The following OR4K2 variants were observed in gnomAD, a reference collection of about 807,000 sequenced individuals.
OR4K2 encodes olfactory receptor 4K2.
OR4K2 carries 8 observed loss-of-function variants against 10.5 expected under a neutral mutation model. The observed-to-expected ratio is 0.76, with a 90% CI of 0.45 to 1.37. OR4K2 has a LOEUF of 1.37. OR4K2 is among the 40% of genes most tolerant of loss of function. OR4K2 has a pLI of 0.00. For synonymous variants in OR4K2, 178 were observed against 133.6 expected (o/e 1.33, Z -2.29); for missense variants, 547 against 379.5 (o/e 1.44, Z -3.67).
Position 19,877,218 on chromosome 14 carries a change from G to C in OR4K2, c.*6G>C. 1 of 1,537,114 alleles carries C rather than the reference G, an allele frequency of 6.5e-7. No homozygotes were observed. On this transcript the variant is annotated 3_prime_UTR_variant, in exon 2 of 2. Coordinates refer to ENST00000641885, the MANE Select transcript of OR4K2 (RefSeq NM_001005501.2). ...ATAAGGCAATGCCTTCATAGTTTTT[G>C]TGACACAGAACATTAGACACAATGC... is the stretch of plus-strand genomic sequence containing the variant.
chr14:19,883,880 T>C lies in OR4K2; in HGVS notation c.*6668T>C, dbSNP rs181288644. 24 of 152,364 alleles carry C rather than the reference T, an allele frequency of 1.6e-4. No homozygotes were observed. In the East Asian group the frequency reaches 1.7e-3, roughly 11 times the overall value. 9.4% of individuals were successfully genotyped at this position (152,364 alleles called of 1,614,324 possible). A position where few individuals can be genotyped will look rare whatever the true frequency, so the allele number is the denominator to read the frequency against. On this transcript the variant is annotated 3_prime_UTR_variant, in exon 2 of 2. Coordinates refer to ENST00000641885, the MANE Select transcript of OR4K2 (RefSeq NM_001005501.2). Reference sequence around the variant, plus strand: ...TCCCTGTTTGTACCTGGAGACCGTTTTGATCTGCCCTCCTCACCTCACATT... The same window carrying C: ...TCCCTGTTTGTACCTGGAGACCGTTCTGATCTGCCCTCCTCACCTCACATT...
In OR4K2 at chr14:19,876,234, T is replaced by TTC. The variant is rs1566484157; in HGVS notation, c.-23-11_-23-10insTC. Reference sequence around the variant, plus strand: ...CTTTCCTTTTTTTTTTTTTTTTTTTTCGTGATACAGGCTTCTGCCTATGAA... The same window carrying TTC: ...CTTTCCTTTTTTTTTTTTTTTTTTTTTCCGTGATACAGGCTTCTGCCTATGAA... On this transcript the variant is annotated splice_polypyrimidine_tract_variant and intron_variant, in intron 1 of 1. Coordinates refer to ENST00000641885, the MANE Select transcript of OR4K2 (RefSeq NM_001005501.2). 4 of 814,054 alleles carry TTC rather than the reference T, an allele frequency of 4.9e-6. No individual in the cohort carries two copies. Among genetic ancestry groups the TTC allele is most frequent in the African/African-American group, 4.0e-5 (2 of 50,468 alleles). The allele number at this position is 814,054 out of a possible 1,614,324, so 50.4% of individuals were successfully genotyped here. A position where few individuals can be genotyped will look rare whatever the true frequency, so the allele number is the denominator to read the frequency against.
At position 19,880,048 on chromosome 14, in the gene OR4K2, T is replaced by G. The variant is rs923922038; in HGVS notation, c.*2836T>G. Reference sequence around the variant, plus strand: ...ATTCATAAGCTTTCTTGAAACATTATAAGATTTTCTTGTGATTTTTTTGTA... The same window carrying G: ...ATTCATAAGCTTTCTTGAAACATTAGAAGATTTTCTTGTGATTTTTTTGTA... On this transcript the variant is annotated 3_prime_UTR_variant, in exon 2 of 2. Transcript: ENST00000641885. The G allele has an allele frequency of 6.6e-6, 1 of 152,522 alleles. No individual in the cohort carries two copies. The allele number at this position is 152,522 out of a possible 1,614,324, so 9.4% of individuals were successfully genotyped here. A position where few individuals can be genotyped will look rare whatever the true frequency, so the allele number is the denominator to read the frequency against.
Position 19,877,163 on chromosome 14 carries a change from G to T in OR4K2, c.896G>T (p.Arg299Met). 1.3e-6 allele frequency: 2 copies of T among 1,598,952 alleles called. No individual in the cohort carries two copies. Among genetic ancestry groups the T allele is most frequent in the South Asian group, 1.1e-5 (1 of 90,254 alleles). Reference sequence around the variant, plus strand: ...AATCAAGAAGTAAAGATAGCCATGAGGAAACTGAAAAATAGGTTTCTAAAT... The same window carrying T: ...AATCAAGAAGTAAAGATAGCCATGATGAAACTGAAAAATAGGTTTCTAAAT... ...LRNQEVKIAM[R>M]KLKNRFLNFN... The change falls in exon 2 of 2, where the codon AGG becomes ATG. Residue 299 changes from arginine to methionine, a missense_variant. Physicochemically the swap from Arg to Met is moderately conservative, Grantham distance 91. Coordinates refer to ENST00000641885, the MANE Select transcript of OR4K2 (RefSeq NM_001005501.2).
intron 1 of OR4K2, 47 bp downstream of exon 1, chr14:19,876,181 A>G (rs1235564568): frequency 1.8e-6 from 2 of 1,105,298 alleles, no homozygotes; most frequent in African/African-American, 3.2e-5. Context: ...ATAATTGGAA[A>G]TGAATCTTTT....
Position 19,879,470 on chromosome 14 carries a change from T to C in OR4K2, c.*2258T>C, listed in dbSNP as rs1192085334. ...GACAGAGATAATGTTCTGCAGAGAA[T>C]ACAAGATAAGCAGGCAAGTATAATT... On this transcript the variant is annotated 3_prime_UTR_variant, in exon 2 of 2. Coordinates refer to ENST00000641885, the MANE Select transcript of OR4K2 (RefSeq NM_001005501.2). 1 of 152,256 alleles carries C rather than the reference T, an allele frequency of 6.6e-6. No individual in the cohort carries two copies. The highest frequency in any genetic ancestry group is 1.5e-5 in the Non-Finnish European group (1 of 68,054). 9.4% of individuals were successfully genotyped at this position (152,256 alleles called of 1,614,324 possible).
In OR4K2 at chr14:19,877,476, C is replaced by A; in HGVS notation, c.*264C>A. The A allele has an allele frequency of 2.8e-6, 1 of 351,580 alleles. No homozygotes were observed. Among genetic ancestry groups the A allele is most frequent in the East Asian group, 5.7e-5 (1 of 17,562 alleles). The allele number at this position is 351,580 out of a possible 1,614,324, so 21.8% of individuals were successfully genotyped here. The stretch of plus-strand genomic sequence containing the variant: ...TAATCAATTTATTGGAAAAGAGGAC[C>A]AAGGAATGAGGAGAAGAAATATAGA... On this transcript the variant is annotated 3_prime_UTR_variant, in exon 2 of 2. Coordinates refer to ENST00000641885, the MANE Select transcript of OR4K2 (RefSeq NM_001005501.2).
intron 1 of OR4K2, 35 bp downstream of exon 1, chr14:19,876,169 A>C: frequency 1.0e-6 from 1 of 993,872 alleles, no homozygotes; most frequent in Non-Finnish European, 1.5e-6. Context: ...TTCTGAAAGT[A>C]GATAATTGGA....
At position 19,883,547 on chromosome 14, in the gene OR4K2, T is replaced by C. The variant is rs1316418542; in HGVS notation, c.*6335T>C. 1 of 152,268 alleles carries C rather than the reference T, an allele frequency of 6.6e-6. No individual in the cohort carries two copies. The highest frequency in any genetic ancestry group is 1.9e-4 in the East Asian group (1 of 5,204). The allele number at this position is 152,268 out of a possible 1,614,324, so 9.4% of individuals were successfully genotyped here. The stretch of plus-strand genomic sequence containing the variant: ...CACTCACCCTAGCATACCATATAAT[T>C]AGAAGTTTGGAACTGATCTTTTAAT... On this transcript the variant is annotated 3_prime_UTR_variant, in exon 2 of 2. Coordinates refer to ENST00000641885, the MANE Select transcript of OR4K2 (RefSeq NM_001005501.2).
Position 19,882,121 on chromosome 14 carries a change from T to C in OR4K2, c.*4909T>C, listed in dbSNP as rs1171642421. ...CAAAAGGCAAAAAGCCTTGGTGTCA[T>C]TGCCACTCCTTCATCACCCTCAGCA... On this transcript the variant is annotated 3_prime_UTR_variant, in exon 2 of 2. Coordinates refer to ENST00000641885, the MANE Select transcript of OR4K2 (RefSeq NM_001005501.2). 2 of 152,372 alleles carry C rather than the reference T, an allele frequency of 1.3e-5. No homozygotes were observed. The highest frequency in any genetic ancestry group is 4.8e-5 in the African/African-American group (2 of 41,446). 9.4% of individuals were successfully genotyped at this position (152,372 alleles called of 1,614,324 possible).
rs373261082 is a variant in OR4K2, at chr14:19,876,523, C to A, written c.256C>A (p.Leu86Ile). Reference protein sequence around the residue: ...FATPKMITDYLTGHKTISFDG... With the variant: ...FATPKMITDYITGHKTISFDG... The stretch of plus-strand genomic sequence containing the variant: ...CACCCCAAAGATGATTACAGATTAC[C>A]TAACAGGTCACAAAACCATCTCTTT... Residue 86 changes from leucine to isoleucine, a missense_variant, in exon 2 of 2, where the codon CTA (leucine) becomes ATA (isoleucine). Leu to Ile is a conservative substitution (Grantham distance 5). Coordinates refer to ENST00000641885, the MANE Select transcript of OR4K2 (RefSeq NM_001005501.2). 2.9e-5 allele frequency: 47 copies of A among 1,614,042 alleles called. No homozygotes were observed. The South Asian group carries it at 4.1e-4, about 14-fold the overall frequency.
Position 19,876,568 on chromosome 14 carries a change from A to G in OR4K2, c.301A>G (p.Ile101Val). The G allele has an allele frequency of 6.2e-7, 1 of 1,614,192 alleles. No homozygotes were observed. The highest frequency in any genetic ancestry group is 8.5e-7 in the Non-Finnish European group (1 of 1,180,020). The change falls in exon 2 of 2, where the codon ATA becomes GTA. Residue 101 changes from isoleucine to valine, a missense_variant. By Grantham distance (29) the Ile-to-Val change is conservative. Coordinates refer to ENST00000641885, the MANE Select transcript of OR4K2 (RefSeq NM_001005501.2). ...TISFDGCLTQ[I>V]FFLHLFTGTE... Reference sequence around the variant, plus strand: ...CTCTTTTGATGGCTGCCTTACCCAGATATTCTTTCTCCACCTTTTCACTGG... The same window carrying G: ...CTCTTTTGATGGCTGCCTTACCCAGGTATTCTTTCTCCACCTTTTCACTGG...
At position 19,883,700 on chromosome 14, in the gene OR4K2, T is replaced by C. The variant is rs1401465233; in HGVS notation, c.*6488T>C. ...ATTTTAAAACGTTTAAATTTCTAAA[T>C]TTCCTTTAAGTATATTAAAATGTAC... On this transcript the variant is annotated 3_prime_UTR_variant, in exon 2 of 2. Coordinates refer to ENST00000641885, the MANE Select transcript of OR4K2 (RefSeq NM_001005501.2). The C allele has an allele frequency of 6.6e-6, 1 of 152,246 alleles. No individual in the cohort carries two copies. The highest frequency in any genetic ancestry group is 1.5e-5 in the Non-Finnish European group (1 of 68,038). 9.4% of individuals were successfully genotyped at this position (152,246 alleles called of 1,614,324 possible).
Position 19,876,314 on chromosome 14 carries a change from G to T in OR4K2, c.47G>T (p.Gly16Val). 6.2e-7 allele frequency: 1 copy of T among 1,613,254 alleles called. No homozygotes were observed. Among genetic ancestry groups the T allele is most frequent in the Non-Finnish European group, 8.5e-7 (1 of 1,179,842 alleles). ...KSTMSEFVLL[G>V]LSNSWELQMF... ...ACCATGTCTGAATTTGTTTTGCTGGGGCTCTCTAATTCCTGGGAACTACAG... is the reference window on the plus strand; with the variant it reads ...ACCATGTCTGAATTTGTTTTGCTGGTGCTCTCTAATTCCTGGGAACTACAG... The change falls in exon 2 of 2, where the codon GGG (glycine) becomes GTG (valine). Residue 16 changes from glycine (G) to valine (V), a missense_variant. Coordinates refer to ENST00000641885, the MANE Select transcript of OR4K2 (RefSeq NM_001005501.2).
In OR4K2 at chr14:19,877,387, T is replaced by TA. The variant is rs1880936828; in HGVS notation, c.*179dup. On this transcript the variant is annotated 3_prime_UTR_variant, in exon 2 of 2. Transcript: ENST00000641885. The stretch of plus-strand genomic sequence containing the variant: ...CATTTGAAATTTCAGAAAAGCAAGT[T>TA]AAAAGAAATAAAGACTATAAAAATG... The TA allele has an allele frequency of 5.5e-6, 3 of 543,426 alleles. No individual in the cohort carries two copies. In the South Asian group the frequency reaches 7.3e-5, roughly 13 times the overall value. The allele number at this position is 543,426 out of a possible 1,614,324, so 33.7% of individuals were successfully genotyped here. A position where few individuals can be genotyped will look rare whatever the true frequency, so the allele number is the denominator to read the frequency against.
In OR4K2 at chr14:19,883,017, A is replaced by AT. The variant is rs1468974681; in HGVS notation, c.*5805_*5806insT. 6.6e-6 allele frequency: 1 copy of AT among 152,318 alleles called. No individual in the cohort carries two copies. Among genetic ancestry groups the AT allele is most frequent in the Non-Finnish European group, 1.5e-5 (1 of 68,282 alleles). The allele number at this position is 152,318 out of a possible 1,614,324, so 9.4% of individuals were successfully genotyped here. A position where few individuals can be genotyped will look rare whatever the true frequency, so the allele number is the denominator to read the frequency against. ...TAATTTTTTGTATTTTTAGTAGAGA[A>AT]GGGGTTATAATTTATCTTTTGAAAA... On this transcript the variant is annotated 3_prime_UTR_variant, in exon 2 of 2. Transcript: ENST00000641885.
At position 19,876,453 on chromosome 14, in the gene OR4K2, G is replaced by A. The variant is rs1161839482; in HGVS notation, c.186G>A (p.Leu62=). 8 of 1,613,962 alleles carry A rather than the reference G, an allele frequency of 5.0e-6. No individual in the cohort carries two copies. The Admixed American group carries it at 5.0e-5, about 10-fold the overall frequency. Reference sequence around the variant, plus strand: ...ACCTACACTCTCCTATGTATTTCCTGCTTACCAATCTTTCAATCATTGATA... The same window carrying A: ...ACCTACACTCTCCTATGTATTTCCTACTTACCAATCTTTCAATCATTGATA... ...DPHLHSPMYF[L]LTNLSIIDMS... is the part of the protein sequence containing the mutation. The change falls in exon 2 of 2, where the codon CTG becomes CTA. Residue 62 remains leucine (L), a synonymous_variant. Transcript: ENST00000641885.
In OR4K2 at chr14:19,877,307, C is replaced by CT. The variant is rs1299264098; in HGVS notation, c.*96dup. ...TGTAATTGCCAAGAATTTGTGAGGG[C>CT]TCAAGTTCAGTGCATTTTGAAACTA... On this transcript the variant is annotated 3_prime_UTR_variant, in exon 2 of 2. Transcript: ENST00000641885. The CT allele has an allele frequency of 5.8e-6, 5 of 863,338 alleles. No homozygotes were observed. The African/African-American group carries it at 8.6e-5, about 15-fold the overall frequency. 53.5% of individuals were successfully genotyped at this position (863,338 alleles called of 1,614,324 possible). A position where few individuals can be genotyped will look rare whatever the true frequency, so the allele number is the denominator to read the frequency against.
rs1251625020 is a variant in OR4K2, at chr14:19,882,483, T to G, written c.*5271T>G. 6.6e-6 allele frequency: 1 copy of G among 152,208 alleles called. No homozygotes were observed. The highest frequency in any genetic ancestry group is 1.5e-5 in the Non-Finnish European group (1 of 68,050). 9.4% of individuals were successfully genotyped at this position (152,208 alleles called of 1,614,324 possible). On this transcript the variant is annotated 3_prime_UTR_variant, in exon 2 of 2. Coordinates refer to ENST00000641885, the MANE Select transcript of OR4K2 (RefSeq NM_001005501.2). ...TTTTTATTGCAGTGTAAAAGCAAGG[T>G]AAAGAAAAATACACAAACATGTTTA...
Sources: gnomAD v4.1 joint callset for allele counts on GRCh38, gnomAD v4.1.1 for gene constraint, MANE v1.5 for transcripts, NCBI Gene and HGNC (gene_info 2026-07-23, HGNC 2026-07-21) for gene names.